EEA1: variants seen among roughly 807,000 people sequenced by gnomAD.
The protein encoded by EEA1 is early endosome antigen 1.
EEA1 carries 111 observed loss-of-function variants against 209.2 expected under a neutral mutation model. That is an observed-to-expected ratio of 0.53 (90% CI 0.45 to 0.62). EEA1 has a LOEUF of 0.62. Ranked by LOEUF, EEA1 falls within the 20% of genes least tolerant of loss-of-function variation. The pLI, the probability that EEA1 is intolerant of heterozygous loss-of-function variation, is 0.00. For missense variants in EEA1, 1,343 were observed against 1,530.8 expected (o/e 0.88, Z 2.05); for synonymous variants, 536 against 540.6 (o/e 0.99, Z 0.12).
chr12:92,845,661 C>G (rs977966802), intron 9 of EEA1, among the ~76,000 whole-genome samples: 1 of 152,148 alleles, frequency 6.6e-6, no homozygotes, highest in Non-Finnish European at 1.5e-5. Context: ...CTTCCACTAC[C>G]GCCCATATGC....
intron 13 of EEA1, among the ~76,000 whole-genome samples, chr12:92,821,578 G>A (rs1219737563): frequency 2.6e-5 from 4 of 151,952 alleles, no homozygotes; most frequent in South Asian, 2.1e-4. Context: ...TTCTGGTTCC[G>A]GTTTCAACCT....
intron 10 of EEA1, among the ~76,000 whole-genome samples, chr12:92,834,124 G>A (rs1025104553): frequency 1.1e-4 from 16 of 151,844 alleles, no homozygotes; most frequent in Admixed American, 3.9e-4. Flanking sequence ...TTATTGCTGC[G>A]TTCCCCAACA....
chr12:92,863,935 A>C (rs368160419), intron 3 of EEA1, among the ~76,000 whole-genome samples: 1 of 152,242 alleles, frequency 6.6e-6, no homozygotes, highest in South Asian at 2.1e-4. Context: ...AAATATAAGA[A>C]CATTTATAAT....
chr12:92,777,839 T>A, intron 26 of EEA1, 102 bp downstream of exon 26: 3 of 1,307,562 alleles, frequency 2.3e-6, no homozygotes, highest in Non-Finnish European at 3.2e-6. Flanking sequence ...TAGAGGCTTA[T>A]GCACTTTTCT....
chr12:92,859,481 A>G (rs974862306), intron 3 of EEA1, among the ~76,000 whole-genome samples: 2 of 152,164 alleles, frequency 1.3e-5, no homozygotes, highest in Non-Finnish European at 2.9e-5. Flanking sequence ...GTTTATCAAT[A>G]ATGAATTTAG....
chr12:92,849,851 T>C (rs1236265040), intron 9 of EEA1, among the ~76,000 whole-genome samples: 1 of 152,146 alleles, frequency 6.6e-6, no homozygotes, highest in Non-Finnish European at 1.5e-5. Context: ...AATGTTACGG[T>C]AACAACTTTT....
intron 2 of EEA1, among the ~76,000 whole-genome samples, chr12:92,877,381 G>A (rs1237242070): frequency 6.6e-6 from 1 of 152,048 alleles, no homozygotes. Context: ...GGTAACATCA[G>A]ATAAAAGGAG....
intron 3 of EEA1, chr12:92,858,858 T>C (rs1346074442): frequency 1.4e-6 from 1 of 736,670 alleles, no homozygotes; most frequent in Non-Finnish European, 2.5e-6. Context: ...CTCGGGGTGA[T>C]GCTGGTTTGT....
intron 1 of EEA1, among the ~76,000 whole-genome samples, chr12:92,898,721 CTTTTTTTCCCTTTTTTTTTTTT>C (rs1178762894): frequency 7.5e-6 from 1 of 133,584 alleles, no homozygotes; most frequent in Non-Finnish European, 1.6e-5. Context: ...TTTTTTTTTC[CTTTTTTTCCCTTTTTTTTTTTT>C]TTTTTTTTTT....
rs977321653 is a variant in EEA1, at chr12:92,874,938, T to C, written c.118-9951A>G. 4.6e-5 allele frequency among the ~76,000 whole-genome samples: 7 copies of C among 152,344 alleles called. No homozygotes were observed. In the East Asian group the frequency reaches 9.6e-4, roughly 21 times the overall value. ...ATTATTATACAACATACATATGTATTGAACATCAAAATGTAACCCACAAAT... is the reference window on the plus strand; with the variant it reads ...ATTATTATACAACATACATATGTATCGAACATCAAAATGTAACCCACAAAT... On this transcript the variant is annotated intron_variant, in intron 2 of 28. Coordinates refer to ENST00000322349, the MANE Select transcript of EEA1 (RefSeq NM_003566.4).
At chr12:92,924,523 T>G (rs1881136201) in intron 1 of EEA1, among the ~76,000 whole-genome samples, 1 of 152,106 alleles carries the variant, frequency 6.6e-6, no homozygotes, top group South Asian at 2.1e-4. Flanking sequence ...CTTTTATACA[T>G]ATTAGTTATC....
At chr12:92,923,532 C>T (rs1344700309) in intron 1 of EEA1, among the ~76,000 whole-genome samples, 1 of 152,054 alleles carries the variant, frequency 6.6e-6, no homozygotes, top group Non-Finnish European at 1.5e-5. Flanking sequence ...CCCTTCTGTC[C>T]TTTTTCCCTC....
chr12:92,838,092 T>C (rs894563776), intron 10 of EEA1, among the ~76,000 whole-genome samples: 9 of 152,208 alleles, frequency 5.9e-5, no homozygotes, highest in Non-Finnish European at 1.5e-5. Flanking sequence ...ATGTAAGGCA[T>C]TATTAAGATT....
chr12:92,880,362 T>C (rs1879081422), intron 2 of EEA1, among the ~76,000 whole-genome samples: 1 of 152,174 alleles, frequency 6.6e-6, no homozygotes, highest in African/African-American at 2.4e-5. Flanking sequence ...TGGAGTGCAG[T>C]AGTGCAATCT....
At chr12:92,851,367 CATCAAT>C in intron 8 of EEA1, 101 bp from the exon 9 acceptor site, 1 of 1,172,458 alleles carries the variant, frequency 8.5e-7, no homozygotes, top group Non-Finnish European at 1.2e-6. Flanking sequence ...GGGAAACAAT[CATCAAT>C]ATCAATTTTT....
intron 10 of EEA1, 117 bp downstream of exon 10, chr12:92,842,348 T>TAAA: frequency 8.2e-6 from 4 of 490,014 alleles, no homozygotes; most frequent in East Asian, 3.9e-5. Context: ...TATTAAACAC[T>TAAA]AAAAAAAAAA....
At chr12:92,865,618 T>C (rs1878348254) in intron 2 of EEA1, among the ~76,000 whole-genome samples, 1 of 152,106 alleles carries the variant, frequency 6.6e-6, no homozygotes, top group Non-Finnish European at 1.5e-5. Context: ...TAGAGTACTA[T>C]GTTAAAGATG....
chr12:92,929,192 G>C lies in EEA1; in HGVS notation c.-126C>G, dbSNP rs541903456. ...GGACCGGGAAGGAGGTCGGGGCGAG[G>C]CGGTGGCGACGGCCGCTCGGGCGGC... On this transcript the variant is annotated 5_prime_UTR_variant, in exon 1 of 29. Coordinates refer to ENST00000322349, the MANE Select transcript of EEA1 (RefSeq NM_003566.4). 5.0e-6 allele frequency: 5 copies of C among 1,009,630 alleles called. No homozygotes were observed. In the East Asian group the frequency reaches 1.6e-4, roughly 32 times the overall value. 62.5% of individuals were successfully genotyped at this position (1,009,630 alleles called of 1,614,324 possible).
intron 9 of EEA1, 142 bp from the exon 10 acceptor site, chr12:92,842,723 C>T (rs2136701896): frequency 3.5e-6 from 2 of 566,712 alleles, no homozygotes; most frequent in African/African-American, 2.0e-5. Context: ...ACCACCTATA[C>T]TGCCACATTA....
Sources: gnomAD v4.1 joint callset for allele counts (sites outside exome capture counted in the v4.1 genomes callset) on GRCh38, gnomAD v4.1.1 for gene constraint, MANE v1.5 for transcripts, NCBI Gene and HGNC (gene_info 2026-07-23, HGNC 2026-07-21) for gene names.